MTIF3: variants seen among roughly 807,000 people sequenced by gnomAD.
MTIF3 encodes mitochondrial translational initiation factor 3, also known as translation initiation factor IF-3, mitochondrial.
Under a neutral mutation model 20.7 loss-of-function variants are expected in MTIF3, and 13 were observed. The ratio of observed to expected loss-of-function variants is 0.63; its 90% CI spans 0.41 to 1.00. The LOEUF (loss-of-function observed/expected upper bound fraction) is 1.00. MTIF3 is among the 50% of genes least tolerant of loss of function. The pLI is 0.00. For synonymous variants in MTIF3, 114 were observed against 112.5 expected, an observed-to-expected ratio of 1.01 and a Z score of -0.08; for missense variants, 295 against 324.5, an observed-to-expected ratio of 0.91 and a Z score of 0.70.
chr13:27,440,585 C>G (rs1312845155), intron 2 of MTIF3, 136 bp from the exon 3 acceptor site: 1 of 685,228 alleles, frequency 1.5e-6, no homozygotes, highest in Non-Finnish European at 2.4e-6. Flanking sequence ...GTTCTCTAGA[C>G]TTTCAGATCC....
At position 27,440,254 on chromosome 13, in the gene MTIF3, T is replaced by C. The variant is rs1953956216; in HGVS notation, c.195A>G (p.Gly65=). 1.2e-6 allele frequency: 2 copies of C among 1,614,232 alleles called. No individual in the cohort carries two copies. The highest frequency in any genetic ancestry group is 2.2e-5 in the East Asian group (1 of 44,896). The change falls in exon 3 of 5, where the codon GGA becomes GGG. Residue 65 remains glycine (G), a synonymous_variant. Transcript: ENST00000381120. The part of the protein sequence containing the change: ...FSTAEDTQNE[G]KKTKKNKTAF... ...CTGTTTTATTCTTTTTTGTCTTTTT[T>C]CCTTCATTCTGGGTGTCTTCAGCGG... is the stretch of plus-strand genomic sequence containing the variant.
intron 3 of MTIF3, among the ~76,000 whole-genome samples, chr13:27,439,696 C>G (rs1953923756): frequency 6.6e-6 from 1 of 152,092 alleles, no homozygotes. Context: ...GGCCACAGGA[C>G]AGGGGAAAGA....
intron 3 of MTIF3, among the ~76,000 whole-genome samples, chr13:27,438,978 G>C (rs960080653): frequency 1.3e-5 from 2 of 152,184 alleles, no homozygotes; most frequent in African/African-American, 4.8e-5. Flanking sequence ...GTCATCTGAT[G>C]CCTGTCCCCG....
Position 27,440,307 on chromosome 13 carries a change from A to G in MTIF3, c.142T>C (p.Phe48Leu), listed in dbSNP as rs1403959350. ...CTAAAGGCTTTTGCATGAATTAGGAAGGAGAGTCTTGGGGCAGAAGCAATA... is the reference window on the plus strand; with the variant it reads ...CTAAAGGCTTTTGCATGAATTAGGAGGGAGAGTCTTGGGGCAGAAGCAATA... ...SPIASAPRLS[F>L]LIHAKAFSTA... The change falls in exon 3 of 5, where the codon TTC (phenylalanine) becomes CTC (leucine). Residue 48 changes from phenylalanine to leucine, a missense_variant. Transcript: ENST00000381120. 1 of 1,614,010 alleles carries G rather than the reference A, an allele frequency of 6.2e-7. No individual in the cohort carries two copies. The highest frequency in any genetic ancestry group is 8.5e-7 in the Non-Finnish European group (1 of 1,180,026).
intron 4 of MTIF3, among the ~76,000 whole-genome samples, chr13:27,436,415 A>G (rs1214845263): frequency 8.1e-6 from 1 of 123,886 alleles, no homozygotes; most frequent in Non-Finnish European, 2.0e-5. Context: ...CTTTTAAAAA[A>G]AAAAAGCAAA....
chr13:27,446,057 C>A (rs1954172841), intron 1 of MTIF3, among the ~76,000 whole-genome samples: 2 of 147,050 alleles, frequency 1.4e-5, no homozygotes, highest in Middle Eastern at 3.4e-3. Context: ...TGTTAATTTT[C>A]TTTTTTCTTT....
chr13:27,448,909 C>T (rs1954263905), intron 1 of MTIF3, among the ~76,000 whole-genome samples: 2 of 152,154 alleles, frequency 1.3e-5, no homozygotes, highest in South Asian at 2.1e-4. Context: ...GGCCTGGTGG[C>T]GTGAGCCTGT....
In MTIF3 at chr13:27,438,487, T is replaced by TG. The variant is rs1370393634; in HGVS notation, c.461-1215_461-1214insC. Among the ~76,000 whole-genome samples the TG allele has an allele frequency of 1.1e-4, 5 of 45,510 alleles. 1 individual carries two copies. The allele number at this position is 45,510 out of a possible 152,430, so 29.9% of individuals were successfully genotyped here. On this transcript the variant is annotated intron_variant, in intron 3 of 4. Coordinates refer to ENST00000381120, the MANE Select transcript of MTIF3 (RefSeq NM_152912.5). The stretch of plus-strand genomic sequence containing the variant: ...CCTGGGCAACAGAGCAAGACTGTTT[T>TG]TTTTTTTTTTTTTTTTTTTTTTAAA...
At position 27,440,439 on chromosome 13, in the gene MTIF3, G is replaced by C. The variant is rs748912900; in HGVS notation, c.10C>G (p.Leu4Val). ...TGTAGTGTTAACCTCTTTAGAAAAAGAGCAGCCATCCTAAGAAAGTAGTAA... is the reference window on the plus strand; with the variant it reads ...TGTAGTGTTAACCTCTTTAGAAAAACAGCAGCCATCCTAAGAAAGTAGTAA... Reference protein sequence around the residue: MAALFLKRLTLQTV... With the variant: MAAVFLKRLTLQTV... The change falls in exon 3 of 5, where the codon CTT becomes GTT. Residue 4 changes from leucine (L) to valine (V), a missense_variant. Physicochemically the swap from Leu to Val is conservative, Grantham distance 32 (BLOSUM62 1). Coordinates refer to ENST00000381120, the MANE Select transcript of MTIF3 (RefSeq NM_152912.5). 4.4e-6 allele frequency: 7 copies of C among 1,599,496 alleles called. No homozygotes were observed. In the East Asian group the frequency reaches 1.6e-4, roughly 36 times the overall value.
At chr13:27,436,518 CAA>C (rs1171181245) in intron 4 of MTIF3, among the ~76,000 whole-genome samples, 1 of 151,900 alleles carries the variant, frequency 6.6e-6, no homozygotes, top group South Asian at 2.1e-4. Flanking sequence ...AAAGAAGAAA[CAA>C]AAAATCTATA....
intron 1 of MTIF3, among the ~76,000 whole-genome samples, chr13:27,448,619 C>T (rs2138203743): frequency 6.6e-6 from 1 of 151,818 alleles, no homozygotes. Context: ...ATTTAGAACA[C>T]TGGAAAAAGC....
At chr13:27,444,461 G>C (rs1954109261) in intron 2 of MTIF3, among the ~76,000 whole-genome samples, 1 of 152,142 alleles carries the variant, frequency 6.6e-6, no homozygotes, top group Middle Eastern at 3.2e-3. Flanking sequence ...CTCAATACTG[G>C]CTTTAAATCA....
At chr13:27,446,385 AT>A (rs1180045376) in intron 1 of MTIF3, among the ~76,000 whole-genome samples, 1 of 152,170 alleles carries the variant, frequency 6.6e-6, no homozygotes, top group Non-Finnish European at 1.5e-5. Flanking sequence ...TGAAAATGGA[AT>A]TCTTAAGAAA....
intron 3 of MTIF3, among the ~76,000 whole-genome samples, chr13:27,439,243 C>A (rs1189582853): frequency 6.6e-6 from 1 of 152,174 alleles, no homozygotes; most frequent in Non-Finnish European, 1.5e-5. Context: ...CGCCTGTAAT[C>A]CCAGCACTTT....
intron 1 of MTIF3, among the ~76,000 whole-genome samples, chr13:27,446,910 C>T (rs1212142889): frequency 6.6e-6 from 1 of 152,016 alleles, no homozygotes; most frequent in Admixed American, 6.6e-5. Flanking sequence ...GGTGATGGTG[C>T]ACTAAAATCT....
At chr13:27,449,036 G>A (rs1226583238) in intron 1 of MTIF3, among the ~76,000 whole-genome samples, 1 of 152,102 alleles carries the variant, frequency 6.6e-6, no homozygotes, top group Non-Finnish European at 1.5e-5. Context: ...CTAGGCAACA[G>A]GGTGAGACTC....
At position 27,440,134 on chromosome 13, in the gene MTIF3, C is replaced by A; in HGVS notation, c.315G>T (p.Val105=). 1 of 1,614,230 alleles carries A rather than the reference C, an allele frequency of 6.2e-7. No individual in the cohort carries two copies. The highest frequency in any genetic ancestry group is 8.5e-7 in the Non-Finnish European group (1 of 1,180,046). ...NDLGNMHRAN[V]IRLMDERDLR... ...GGTCTCGCTCATCCATAAGTCTAAT[C>A]ACATTTGCTCGGTGCATGTTTCCCA... Residue 105 remains valine (V), a synonymous_variant, in exon 3 of 5, where the codon GTG becomes GTT. Transcript: ENST00000381120.
chr13:27,443,673 G>A (rs1954076653), intron 2 of MTIF3, among the ~76,000 whole-genome samples: 1 of 151,928 alleles, frequency 6.6e-6, no homozygotes, highest in Non-Finnish European at 1.5e-5. Context: ...TAGTAGTTAT[G>A]AATAAGAGCT....
At chr13:27,442,384 G>A (rs7988222) in intron 2 of MTIF3, among the ~76,000 whole-genome samples, 86,410 of 152,034 alleles carry the variant, frequency 0.57, 25,298 homozygotes, top group East Asian at 0.75. Flanking sequence ...CCGCATCACA[G>A]TAACAGCTTC....
Sources: gnomAD v4.1 joint callset for allele counts (sites outside exome capture counted in the v4.1 genomes callset) on GRCh38, gnomAD v4.1.1 for gene constraint, MANE v1.5 for transcripts, NCBI Gene and HGNC (gene_info 2026-07-23, HGNC 2026-07-21) for gene names.